Variants in TMBIM6 observed in about 807,000 individuals in gnomAD.
TMBIM6 encodes the protein bax inhibitor 1.
Under a neutral mutation model 31.4 loss-of-function variants are expected in TMBIM6, and 13 were observed. That is an observed-to-expected ratio of 0.41 (90% CI 0.27 to 0.66). The LOEUF (loss-of-function observed/expected upper bound fraction) is 0.66, where lower values mean the gene tolerates loss of function less well. Ranked by LOEUF, TMBIM6 falls within the 30% of genes least tolerant of loss-of-function variation. The pLI is 0.28. For synonymous variants in TMBIM6, 85 were observed against 101.7 expected (o/e 0.84, Z 0.99); for missense variants, 275 against 289.5 (o/e 0.95, Z 0.36).
At chr12:49,762,230 T>C (rs1945733637) in intron 9 of TMBIM6, 1 of 166,160 alleles carries the variant, frequency 6.0e-6, no homozygotes, top group Non-Finnish European at 1.3e-5. Flanking sequence ...TGAGCTTTTC[T>C]TTATAGACCT....
intron 4 of TMBIM6, among the ~76,000 whole-genome samples, chr12:49,757,030 C>T (rs1368886046): frequency 6.6e-6 from 1 of 152,042 alleles, no homozygotes; most frequent in Admixed American, 6.5e-5. Context: ...CTGCCCCTGG[C>T]CCTAATTTTG....
At chr12:49,755,496 C>T (rs1016455132) in intron 3 of TMBIM6, 139 bp from the exon 4 acceptor site, 9 of 1,065,966 alleles carry the variant, frequency 8.4e-6, no homozygotes, top group Non-Finnish European at 1.2e-5. Flanking sequence ...CCTGAGAAAA[C>T]ACTACTTTTT....
chr12:49,742,981 C>T (rs1316228615), intron 1 of TMBIM6, among the ~76,000 whole-genome samples: 5 of 121,742 alleles, frequency 4.1e-5, no homozygotes, highest in African/African-American at 1.2e-4. Context: ...TACCTTCCTC[C>T]TCTTTTTTTT....
At position 49,762,972 on chromosome 12, in the gene TMBIM6, G is replaced by T; in HGVS notation, c.*76G>T. The stretch of plus-strand genomic sequence containing the variant: ...TTTCCTTTTTGCACACATTACAGGT[G>T]GTGTGTTCTGTGATAATGAAAAGCA... On this transcript the variant is annotated 3_prime_UTR_variant, in exon 10 of 10. Coordinates refer to ENST00000267115, the MANE Select transcript of TMBIM6 (RefSeq NM_003217.3). The T allele has an allele frequency of 6.8e-7, 1 of 1,468,942 alleles. No individual in the cohort carries two copies. Among genetic ancestry groups the T allele is most frequent in the South Asian group, 1.2e-5 (1 of 83,336 alleles). The allele number at this position is 1,468,942 out of a possible 1,614,324, so 91.0% of individuals were successfully genotyped here.
intron 1 of TMBIM6, among the ~76,000 whole-genome samples, chr12:49,748,048 T>A (rs1592722356): frequency 6.6e-6 from 1 of 152,054 alleles, no homozygotes; most frequent in East Asian, 1.9e-4. Flanking sequence ...GGACTATAGG[T>A]GCCCGCCATC....
At chr12:49,762,848 T>C in intron 9 of TMBIM6, 25 bp from the exon 10 acceptor site, 1 of 1,610,906 alleles carries the variant, frequency 6.2e-7, no homozygotes, top group Non-Finnish European at 8.5e-7. Context: ...AAAAAATTAA[T>C]TGGGTGATTT....
rs1360287600 is a variant in TMBIM6, at chr12:49,764,592, C to T, written c.*1696C>T. ...TTAACTCTCCATAAATTTGGTGATT[C>T]TCTGCTAGGCCTAAGATTTTGAGTT... On this transcript the variant is annotated 3_prime_UTR_variant, in exon 10 of 10. Transcript: ENST00000267115. 3.3e-5 allele frequency: 5 copies of T among 152,456 alleles called. No individual in the cohort carries two copies. In the South Asian group the frequency reaches 6.2e-4, roughly 19 times the overall value. The allele number at this position is 152,456 out of a possible 1,614,324, so 9.4% of individuals were successfully genotyped here.
At chr12:49,759,164 G>GGTTT in intron 7 of TMBIM6, 57 bp from the exon 8 acceptor site, 2 of 1,422,522 alleles carry the variant, frequency 1.4e-6, no homozygotes. Context: ...AGTATGGCTG[G>GGTTT]TTTTTTTTTC....
At chr12:49,746,405 T>C (rs978522927) in intron 1 of TMBIM6, among the ~76,000 whole-genome samples, 2 of 152,152 alleles carry the variant, frequency 1.3e-5, no homozygotes, top group Admixed American at 1.3e-4. Context: ...CTGAAGATAT[T>C]GTAGTAATGA....
At chr12:49,750,391 C>T (rs535408040) in intron 1 of TMBIM6, among the ~76,000 whole-genome samples, 1 of 152,300 alleles carries the variant, frequency 6.6e-6, no homozygotes, top group Non-Finnish European at 1.5e-5. Flanking sequence ...AAACTTGGCT[C>T]TGAAAGTTGC....
chr12:49,747,745 T>C (rs979555953), intron 1 of TMBIM6, among the ~76,000 whole-genome samples: 2 of 152,228 alleles, frequency 1.3e-5, no homozygotes, highest in African/African-American at 4.8e-5. Context: ...CTGTACACAC[T>C]GAGGCAAAGT....
At position 49,758,295 on chromosome 12, in the gene TMBIM6, C is replaced by A; in HGVS notation, c.335+20C>A. 1 of 1,614,142 alleles carries A rather than the reference C, an allele frequency of 6.2e-7. No homozygotes were observed. Among genetic ancestry groups the A allele is most frequent in the Non-Finnish European group, 8.5e-7 (1 of 1,179,984 alleles). On this transcript the variant is annotated intron_variant, in intron 5 of 9. Transcript: ENST00000267115. ...CCCCAGGTAACTCTTTTGGTAGTGT[C>A]TTATGTGCTTTTATCTTTATGAATA...
chr12:49,754,049 AG>A (rs1945544487), intron 3 of TMBIM6, among the ~76,000 whole-genome samples: 1 of 152,162 alleles, frequency 6.6e-6, no homozygotes, highest in Non-Finnish European at 1.5e-5. Context: ...AGGTTGAACA[AG>A]ACAGTGCTCT....
rs62678761 is a variant in TMBIM6, at chr12:49,742,983, C to CTT, written c.-31+1392_-31+1393dup. 1.4e-4 allele frequency among the ~76,000 whole-genome samples: 11 copies of CTT among 79,000 alleles called. 1 individual carries two copies. The highest frequency in any genetic ancestry group is 3.1e-4 in the African/African-American group (7 of 22,226). The allele number at this position is 79,000 out of a possible 152,430, so 51.8% of individuals were successfully genotyped here. A position where few individuals can be genotyped will look rare whatever the true frequency, so the allele number is the denominator to read the frequency against. On this transcript the variant is annotated intron_variant, in intron 1 of 9. Transcript: ENST00000267115. ...AAACATGGTTTAGTACCTTCCTCCT[C>CTT]TTTTTTTTTTTTTTTTTTTTTGAGG...
At chr12:49,742,472 G>A in intron 1 of TMBIM6, 1 of 681,332 alleles carries the variant, frequency 1.5e-6, no homozygotes, top group South Asian at 2.7e-5. Context: ...GCTGCTTGGG[G>A]TCATCAGCCT....
At chr12:49,756,440 C>CTTTTT (rs1194535783) in intron 4 of TMBIM6, among the ~76,000 whole-genome samples, 1 of 105,826 alleles carries the variant, frequency 9.4e-6, no homozygotes, top group African/African-American at 3.8e-5. Context: ...TGCCTCCTGG[C>CTTTTT]TTTTTTTTTT....
At chr12:49,747,296 C>T (rs748567385) in intron 1 of TMBIM6, among the ~76,000 whole-genome samples, 4 of 151,950 alleles carry the variant, frequency 2.6e-5, no homozygotes, top group Non-Finnish European at 5.9e-5. Flanking sequence ...TTTTATAAAA[C>T]GGTTTTGCTG....
At chr12:49,746,316 T>A (rs1945393405) in intron 1 of TMBIM6, among the ~76,000 whole-genome samples, 1 of 152,070 alleles carries the variant, frequency 6.6e-6, no homozygotes, top group Non-Finnish European at 1.5e-5. Context: ...ACTCCTGACC[T>A]CAAGTGATCC....
rs1391962786 is a variant in TMBIM6 at position 49,759,327 on chromosome 12, T to G, written c.614+6T>G. 3.1e-6 allele frequency: 5 copies of G among 1,607,920 alleles called. No homozygotes were observed. The highest frequency in any genetic ancestry group is 4.3e-6 in the Non-Finnish European group (5 of 1,174,456). On this transcript the variant is annotated splice_donor_region_variant and intron_variant, in intron 8 of 9. Transcript: ENST00000267115. ...GGAGATCAAGATTATATCTGGTGAGTGTGGGAACTAGTCTTTAACAAGCAT... is the reference window on the plus strand; with the variant it reads ...GGAGATCAAGATTATATCTGGTGAGGGTGGGAACTAGTCTTTAACAAGCAT...
Sources: allele counts gnomAD v4.1 joint callset (sites outside exome capture counted in the v4.1 genomes callset), GRCh38; gene constraint gnomAD v4.1.1; transcripts MANE v1.5; gene names NCBI Gene and HGNC (gene_info 2026-07-23, HGNC 2026-07-21).